Variants in RUNDC3B observed in about 807,000 individuals in gnomAD.
RUNDC3B encodes RUN domain-containing protein 3B.
RUNDC3B carries 33 observed loss-of-function variants against 58.4 expected under a neutral mutation model. The observed-to-expected ratio is 0.56, with a 90% confidence interval of 0.43 to 0.75. The LOEUF is 0.75. RUNDC3B is among the 30% of genes least tolerant of loss of function. The pLI, the probability that RUNDC3B is intolerant of heterozygous loss-of-function variation, is 0.00. For missense variants in RUNDC3B, 501 were observed against 535.7 expected, an observed-to-expected ratio of 0.94 and a Z score of 0.64; for synonymous variants, 193 against 195.2, an observed-to-expected ratio of 0.99 and a Z score of 0.10.
intron 8 of RUNDC3B, among the ~76,000 whole-genome samples, chr7:87,800,113 G>A (rs979255868): frequency 6.6e-6 from 1 of 152,034 alleles, no homozygotes; most frequent in Non-Finnish European, 1.5e-5. Context: ...GGAATATTTG[G>A]AACCACAGAT....
intron 7 of RUNDC3B, among the ~76,000 whole-genome samples, chr7:87,772,535 A>AAT (rs1834340462): frequency 6.6e-6 from 1 of 152,192 alleles, no homozygotes; most frequent in Non-Finnish European, 1.5e-5. Context: ...AGGTCTTTGT[A>AAT]ATATAGTGAA....
chr7:87,779,262 A>G (rs1834808393), intron 8 of RUNDC3B, among the ~76,000 whole-genome samples: 1 of 152,168 alleles, frequency 6.6e-6, no homozygotes, highest in Non-Finnish European at 1.5e-5. Flanking sequence ...GGTCCAATTC[A>G]GGATTGTGTT....
intron 1 of RUNDC3B, among the ~76,000 whole-genome samples, chr7:87,642,413 A>G (rs1353306018): frequency 2.0e-5 from 3 of 152,038 alleles, no homozygotes; most frequent in Non-Finnish European, 4.4e-5. Flanking sequence ...TTCTATTTGA[A>G]TATTTTCATT....
rs187319784 is a variant in RUNDC3B at position 87,720,747 on chromosome 7, C to T, written c.458+10092C>T. 5.0e-3 allele frequency among the ~76,000 whole-genome samples: 758 copies of T among 151,458 alleles called. 12 individuals carry two copies. The highest frequency in any genetic ancestry group is 0.024 in the Middle Eastern group (7 of 292). On this transcript the variant is annotated intron_variant, in intron 4 of 10. Transcript: ENST00000394654. ...TCCTGAGTAGCTGGGACTACAGACGCGTGCCACCACGCCCTGCTAATTTTT... is the reference window on the plus strand; with the variant it reads ...TCCTGAGTAGCTGGGACTACAGACGTGTGCCACCACGCCCTGCTAATTTTT...
intron 10 of RUNDC3B, 59 bp downstream of exon 10, chr7:87,816,321 T>C (rs893427861): frequency 1.6e-6 from 2 of 1,277,352 alleles, no homozygotes; most frequent in African/African-American, 3.0e-5. Context: ...TATATTTTGG[T>C]TGCAGATGAT....
chr7:87,797,962 A>G (rs1835903258), intron 8 of RUNDC3B, among the ~76,000 whole-genome samples: 1 of 152,224 alleles, frequency 6.6e-6, no homozygotes, highest in Non-Finnish European at 1.5e-5. Context: ...CTGAATCAAA[A>G]TACACGAATA....
chr7:87,709,301 T>C, intron 3 of RUNDC3B: 1 of 985,290 alleles, frequency 1.0e-6, no homozygotes, highest in Non-Finnish European at 1.2e-6. Context: ...GGTGAAATTG[T>C]AGCCTTTTGA....
chr7:87,646,737 CCAGGGATTGGCAG>C (rs72294310), intron 1 of RUNDC3B, among the ~76,000 whole-genome samples: 4,743 of 152,148 alleles, frequency 0.031, 72 homozygotes, highest in Middle Eastern at 0.048. Flanking sequence ...TAAAAGTTTG[CCAGGGATTGGCAG>C]CATTATTCTT....
chr7:87,782,070 G>A (rs1422686448), intron 8 of RUNDC3B, among the ~76,000 whole-genome samples: 2 of 152,072 alleles, frequency 1.3e-5, no homozygotes, highest in Non-Finnish European at 2.9e-5. Flanking sequence ...GCTCTTCTTT[G>A]TTTGTCTGGT....
At chr7:87,685,793 A>G (rs1324508789) in intron 2 of RUNDC3B, among the ~76,000 whole-genome samples, 1 of 152,218 alleles carries the variant, frequency 6.6e-6, no homozygotes, top group Non-Finnish European at 1.5e-5. Context: ...TCATAGCAAC[A>G]GCAAATTTAC....
At chr7:87,733,963 A>G (rs1184429475) in intron 4 of RUNDC3B, among the ~76,000 whole-genome samples, 1 of 152,212 alleles carries the variant, frequency 6.6e-6, no homozygotes. Context: ...ATAAAAAGAC[A>G]ACTCATTTAA....
intron 2 of RUNDC3B, among the ~76,000 whole-genome samples, chr7:87,671,854 G>T (rs1318699661): frequency 2.0e-5 from 3 of 152,198 alleles, no homozygotes; most frequent in Non-Finnish European, 4.4e-5. Context: ...GATGGTGCCT[G>T]CCACTCCCCC....
At chr7:87,665,721 T>C (rs1825162344) in intron 2 of RUNDC3B, among the ~76,000 whole-genome samples, 1 of 151,966 alleles carries the variant, frequency 6.6e-6, no homozygotes, top group Admixed American at 6.6e-5. Context: ...ACCTCAGAGT[T>C]TGTTGTTCTC....
chr7:87,761,834 CA>C (rs1262107252), intron 6 of RUNDC3B, among the ~76,000 whole-genome samples: 1 of 151,706 alleles, frequency 6.6e-6, no homozygotes, highest in African/African-American at 2.4e-5. Flanking sequence ...GGCAATTTAT[CA>C]CTATAAGAAG....
At chr7:87,787,359 T>C (rs1835277622) in intron 8 of RUNDC3B, among the ~76,000 whole-genome samples, 1 of 152,098 alleles carries the variant, frequency 6.6e-6, no homozygotes, top group South Asian at 2.1e-4. Flanking sequence ...AAAATTAAAA[T>C]TGTAAAGGAA....
intron 1 of RUNDC3B, among the ~76,000 whole-genome samples, chr7:87,636,631 C>A (rs1821802365): frequency 6.6e-6 from 1 of 152,150 alleles, no homozygotes; most frequent in Non-Finnish European, 1.5e-5. Flanking sequence ...CCAGCCTACT[C>A]CAAAGTAATG....
At chr7:87,781,665 C>T (rs1159480176) in intron 8 of RUNDC3B, among the ~76,000 whole-genome samples, 1 of 151,942 alleles carries the variant, frequency 6.6e-6, no homozygotes, top group Non-Finnish European at 1.5e-5. Flanking sequence ...TCCCTCAAAA[C>T]CTAGTTTTTT....
At chr7:87,722,750 T>G (rs1474571326) in intron 4 of RUNDC3B, among the ~76,000 whole-genome samples, 1 of 152,184 alleles carries the variant, frequency 6.6e-6, no homozygotes, top group African/African-American at 2.4e-5. Context: ...GTGAAATTAT[T>G]TGATTCTTTC....
chr7:87,740,535 G>A (rs1584062198), intron 5 of RUNDC3B, among the ~76,000 whole-genome samples: 1 of 151,918 alleles, frequency 6.6e-6, no homozygotes, highest in African/African-American at 2.4e-5. Flanking sequence ...CAAACACAAG[G>A]AATGAAGGAA....
Sources: allele counts gnomAD v4.1 joint callset (sites outside exome capture counted in the v4.1 genomes callset), GRCh38; gene constraint gnomAD v4.1.1; transcripts MANE v1.5; gene names NCBI Gene and HGNC (gene_info 2026-07-23, HGNC 2026-07-21).